The following ANKS1A variants were observed in gnomAD, a reference collection of about 807,000 sequenced individuals.
ANKS1A encodes the protein ankyrin repeat and sterile alpha motif domain containing 1A, also known as ankyrin repeat and SAM domain-containing protein 1A.
A neutral mutation model predicts 120.3 loss-of-function variants in ANKS1A; 55 were observed. The observed-to-expected ratio is 0.46, with a 90% CI of 0.37 to 0.57. The LOEUF (loss-of-function observed/expected upper bound fraction) is 0.57. Ranked by LOEUF, ANKS1A falls within the 20% of genes least tolerant of loss-of-function variation. ANKS1A has a pLI of 0.00. For synonymous variants in ANKS1A, 590 were observed against 604.7 expected, an observed-to-expected ratio of 0.98 and a Z score of 0.36; for missense variants, 1,123 against 1,480.3, an observed-to-expected ratio of 0.76 and a Z score of 3.96.
At chr6:34,977,658 G>T (rs141928436) in intron 3 of ANKS1A, among the ~76,000 whole-genome samples, 1 of 151,542 alleles carries the variant, frequency 6.6e-6, no homozygotes, top group East Asian at 1.9e-4. Flanking sequence ...TTTTTTTTTG[G>T]ATCAGAGTTC....
At chr6:35,013,560 G>A (rs949989889) in intron 10 of ANKS1A, among the ~76,000 whole-genome samples, 5 of 152,192 alleles carry the variant, frequency 3.3e-5, no homozygotes, top group South Asian at 2.1e-4. Context: ...CTCCCAAAGC[G>A]TTGGGATTAC....
Position 35,060,238 on chromosome 6 carries a change from C to T in ANKS1A, c.2169C>T (p.Asp723=), listed in dbSNP as rs150952710. 2.2e-5 allele frequency: 35 copies of T among 1,611,060 alleles called. No homozygotes were observed. Among genetic ancestry groups the T allele is most frequent in the Non-Finnish European group, 2.8e-5 (33 of 1,179,176 alleles). ...YESKLLLNGF[D]DVHFLGSNVM... is the part of the protein sequence containing the mutation. Reference sequence around the variant, plus strand: ...GCAAGTTGCTTCTGAATGGCTTTGACGATGTCCACTTCCTGGTAAGTGGCT... The same window carrying T: ...GCAAGTTGCTTCTGAATGGCTTTGATGATGTCCACTTCCTGGTAAGTGGCT... The change falls in exon 13 of 24, where the codon GAC becomes GAT. Residue 723 remains aspartate, a synonymous_variant. Coordinates refer to ENST00000360359, the MANE Select transcript of ANKS1A (RefSeq NM_015245.3). This position sits in a 1 kb window ranked among gnomAD's most constrained non-coding sequence, Gnocchi z 4.5.
intron 11 of ANKS1A, among the ~76,000 whole-genome samples, chr6:35,030,063 C>T (rs558921961): frequency 6.6e-6 from 1 of 152,218 alleles, no homozygotes; most frequent in East Asian, 1.9e-4. Context: ...AATGACTTGC[C>T]TACGGTCTTA....
rs1258460672 is a variant in ANKS1A, at chr6:35,044,416, A to G, written c.2011-9683A>G. ...CTGATTCCACAGTCTCAGGCATTTC[A>G]CTACCTGCAGACTCTGCCCTGTGGG... On this transcript the variant is annotated intron_variant, in intron 11 of 23. Coordinates refer to ENST00000360359, the MANE Select transcript of ANKS1A (RefSeq NM_015245.3). This position sits in a 1 kb window ranked among gnomAD's most constrained non-coding sequence, Gnocchi z 4.4. Among the ~76,000 whole-genome samples, 1 of 152,214 alleles carries G rather than the reference A, an allele frequency of 6.6e-6. No homozygotes were observed. Among genetic ancestry groups the G allele is most frequent in the South Asian group, 2.1e-4 (1 of 4,826 alleles).
intron 15 of ANKS1A, 73 bp downstream of exon 15, chr6:35,079,741 G>C: frequency 6.2e-7 from 1 of 1,612,324 alleles, no homozygotes; most frequent in Non-Finnish European, 8.5e-7. Context: ...GCCTGGCCCA[G>C]CGGAAGATGC....
chr6:35,017,787 C>T lies in ANKS1A; in HGVS notation c.1738C>T (p.His580Tyr). 1.2e-6 allele frequency: 2 copies of T among 1,614,190 alleles called. No homozygotes were observed. The highest frequency in any genetic ancestry group is 1.3e-5 in the African/African-American group (1 of 75,050). Reference sequence around the variant, plus strand: ...CCTGCCCACCACCAACAGCCGCTCGCACCCTGAAACTTTGACTCACACAGC... The same window carrying T: ...CCTGCCCACCACCAACAGCCGCTCGTACCCTGAAACTTTGACTCACACAGC... The part of the protein sequence containing the change: ...TGLPTTNSRS[H>Y]PETLTHTASP... The change falls in exon 11 of 24, where the codon CAC (histidine) becomes TAC (tyrosine). Residue 580 changes from histidine to tyrosine, a missense_variant. Around this residue, in one of 3 missense-constraint regions of ANKS1A, gnomAD observed 904 missense variants for 1,130.4 expected, o/e 0.80. Transcript: ENST00000360359.
chr6:34,995,750 T>C (rs1772816842), intron 10 of ANKS1A, among the ~76,000 whole-genome samples: 1 of 152,214 alleles, frequency 6.6e-6, no homozygotes, highest in Non-Finnish European at 1.5e-5. Flanking sequence ...AATTCGTTCC[T>C]TTTCATTGCT....
intron 9 of ANKS1A, 142 bp from the exon 10 acceptor site, chr6:34,994,160 T>C (rs1772721874): frequency 9.1e-7 from 1 of 1,093,778 alleles, no homozygotes; most frequent in Non-Finnish European, 1.3e-6. Flanking sequence ...TGTGATTCTA[T>C]GTGACACTTG....
chr6:35,003,349 A>G (rs913062827), intron 10 of ANKS1A, among the ~76,000 whole-genome samples: 1 of 152,206 alleles, frequency 6.6e-6, no homozygotes, highest in African/African-American at 2.4e-5. Context: ...CAAGAAACTC[A>G]GATGAGAAAT....
At chr6:35,088,409 T>G (rs1324045964) in intron 23 of ANKS1A, among the ~76,000 whole-genome samples, 197 bp from the exon 24 acceptor site, 10 of 152,162 alleles carry the variant, frequency 6.6e-5, no homozygotes, top group Admixed American at 4.6e-4. Context: ...CCCATCCTTG[T>G]GCCTTCCTGA....
intron 1 of ANKS1A, among the ~76,000 whole-genome samples, chr6:34,899,226 C>G (rs1767233855): frequency 6.6e-6 from 1 of 152,186 alleles, no homozygotes; most frequent in African/African-American, 2.4e-5. Flanking sequence ...AACCTTTGTG[C>G]AAGCCCAGGA....
At position 35,086,635 on chromosome 6, in the gene ANKS1A, C is replaced by T. The variant is rs913677100; in HGVS notation, c.3304-317C>T. On this transcript the variant is annotated intron_variant, in intron 22 of 23. Transcript: ENST00000360359. The surrounding 1 kb of genome is among the most constrained non-coding windows in gnomAD (Gnocchi z 5.1). ...GACCCGAGGCTGGACATTTGCAAGC[C>T]CCATATCCCCTTCCTGCCCAGTGTG... Among the ~76,000 whole-genome samples, 1 of 152,054 alleles carries T rather than the reference C, an allele frequency of 6.6e-6. No homozygotes were observed. The highest frequency in any genetic ancestry group is 2.4e-5 in the African/African-American group (1 of 41,414).
chr6:34,999,343 GT>G (rs976525643), intron 10 of ANKS1A, among the ~76,000 whole-genome samples: 1 of 152,128 alleles, frequency 6.6e-6, no homozygotes, highest in African/African-American at 2.4e-5. Flanking sequence ...TGATACTTTG[GT>G]TTTGGTTTTG....
chr6:34,948,882 A>C (rs912229498), intron 1 of ANKS1A, among the ~76,000 whole-genome samples: 3 of 152,198 alleles, frequency 2.0e-5, no homozygotes, highest in Admixed American at 6.5e-5. Flanking sequence ...AGCTGAGGAC[A>C]AGTGTCATCC....
chr6:34,923,410 GTCAAC>G (rs1768540563), intron 1 of ANKS1A, among the ~76,000 whole-genome samples: 1 of 152,218 alleles, frequency 6.6e-6, no homozygotes, highest in Non-Finnish European at 1.5e-5. Flanking sequence ...CATGTCTAAA[GTCAAC>G]GGAAGAACCT....
intron 3 of ANKS1A, among the ~76,000 whole-genome samples, chr6:34,977,138 A>G (rs756125581): frequency 4.6e-5 from 7 of 152,168 alleles, no homozygotes; most frequent in Non-Finnish European, 7.3e-5. Flanking sequence ...CTTTCATGAC[A>G]TGGATGGTTT....
downstream of ANKS1A, among the ~76,000 whole-genome samples, chr6:35,095,157 A>G (rs1778422932): frequency 6.6e-6 from 1 of 151,342 alleles, no homozygotes; most frequent in Admixed American, 6.6e-5. Context: ...AAAAAAAAAA[A>G]AAAGCACTGA....
intron 11 of ANKS1A, among the ~76,000 whole-genome samples, chr6:35,022,662 A>G (rs1263565274): frequency 1.3e-5 from 2 of 152,242 alleles, no homozygotes; most frequent in African/African-American, 2.4e-5. Flanking sequence ...TGCTTGGGAC[A>G]TAATAGAGGG....
intron 1 of ANKS1A, among the ~76,000 whole-genome samples, chr6:34,904,305 G>C (rs1397790243): frequency 2.6e-5 from 4 of 152,046 alleles, no homozygotes; most frequent in Non-Finnish European, 5.9e-5. Flanking sequence ...TATAGATGCA[G>C]CCATCCATTT....
Sources: gnomAD v4.1 joint callset for allele counts (sites outside exome capture counted in the v4.1 genomes callset) on GRCh38, gnomAD v4.1.1 for gene constraint, gnomAD v4.1.1 regional missense constraint, Gnocchi (gnomAD v3.1) non-coding constraint, MANE v1.5 for transcripts, NCBI Gene and HGNC (gene_info 2026-07-23, HGNC 2026-07-21) for gene names.